The following SLC6A11 variants were observed in gnomAD, a reference collection of about 807,000 sequenced individuals.
SLC6A11 encodes sodium- and chloride-dependent GABA transporter 3.
A neutral mutation model predicts 74.8 loss-of-function variants in SLC6A11; 25 were observed. That is an observed-to-expected ratio of 0.33 (90% CI 0.24 to 0.47). The LOEUF (loss-of-function observed/expected upper bound fraction) is 0.47. SLC6A11 is among the 20% of genes least tolerant of loss of function. The pLI, the probability that SLC6A11 is intolerant of heterozygous loss-of-function variation, is 1.00. For missense variants in SLC6A11, 574 were observed against 837.0 expected, an observed-to-expected ratio of 0.69 and a Z score of 3.88; for synonymous variants, 330 against 330.2, an observed-to-expected ratio of 1.00 and a Z score of 0.01.
At chr3:10,895,420 A>G (rs960378999) in intron 6 of SLC6A11, among the ~76,000 whole-genome samples, 2 of 152,116 alleles carry the variant, frequency 1.3e-5, no homozygotes, top group Non-Finnish European at 2.9e-5. Flanking sequence ...ATGCAACCAT[A>G]AGAAGGACTG....
chr3:10,920,266 A>G (rs1193891344), intron 8 of SLC6A11, among the ~76,000 whole-genome samples: 1 of 152,264 alleles, frequency 6.6e-6, no homozygotes, highest in Non-Finnish European at 1.5e-5. Flanking sequence ...ATTCAAATTG[A>G]AAGAATACTC....
intron 1 of SLC6A11, among the ~76,000 whole-genome samples, chr3:10,818,512 A>G (rs935621327): frequency 6.6e-6 from 1 of 152,244 alleles, no homozygotes; most frequent in Admixed American, 6.5e-5. Flanking sequence ...CTGCTTGCCC[A>G]GAAAAGCTAA....
At chr3:10,850,007 T>C (rs1344138159) in intron 5 of SLC6A11, among the ~76,000 whole-genome samples, 2 of 152,094 alleles carry the variant, frequency 1.3e-5, no homozygotes, top group Admixed American at 1.3e-4. Context: ...TGGATGTTTT[T>C]GTGCTTCTAC....
chr3:10,846,457 G>T (rs1226029206), intron 5 of SLC6A11, among the ~76,000 whole-genome samples: 2 of 152,204 alleles, frequency 1.3e-5, no homozygotes, highest in Non-Finnish European at 2.9e-5. Flanking sequence ...TTTGTGTATG[G>T]ACATGCTTAG....
At chr3:10,838,497 T>C (rs537975774) in intron 4 of SLC6A11, among the ~76,000 whole-genome samples, 1 of 152,314 alleles carries the variant, frequency 6.6e-6, no homozygotes, top group Non-Finnish European at 1.5e-5. Context: ...ACTTGTAATC[T>C]CAGCACTTTG....
chr3:10,885,234 G>A (rs1201893862), intron 6 of SLC6A11, among the ~76,000 whole-genome samples: 1 of 152,118 alleles, frequency 6.6e-6, no homozygotes, highest in African/African-American at 2.4e-5. Flanking sequence ...ATACTACGTA[G>A]TTGAATTACT....
At chr3:10,840,537 G>A (rs553482301) in intron 4 of SLC6A11, among the ~76,000 whole-genome samples, 21 of 152,308 alleles carry the variant, frequency 1.4e-4, no homozygotes, top group Admixed American at 1.0e-3. Context: ...CACTGATGAC[G>A]CTTTCGTAAG....
At chr3:10,838,844 G>T (rs1484425668) in intron 4 of SLC6A11, among the ~76,000 whole-genome samples, 1 of 152,214 alleles carries the variant, frequency 6.6e-6, no homozygotes, top group Non-Finnish European at 1.5e-5. Flanking sequence ...CAGTGGTGTT[G>T]CCATGAGGAC....
Position 10,934,173 on chromosome 3 carries a change from G to A in SLC6A11, c.1575+7G>A. On this transcript the variant is annotated splice_region_variant and intron_variant, in intron 12 of 13. Coordinates refer to ENST00000254488, the MANE Select transcript of SLC6A11 (RefSeq NM_014229.3). ...GACCCCTGGGATCTGCGCGGTAAGG[G>A]CCCCACCAGGAGCCACCTCCAGCCA... 6.3e-7 allele frequency: 1 copy of A among 1,597,048 alleles called. No individual in the cohort carries two copies. The highest frequency in any genetic ancestry group is 1.1e-5 in the South Asian group (1 of 90,604).
At chr3:10,868,394 C>A (rs775750546) in intron 5 of SLC6A11, among the ~76,000 whole-genome samples, 3 of 152,156 alleles carry the variant, frequency 2.0e-5, no homozygotes, top group Non-Finnish European at 4.4e-5. Context: ...GTGTCCTGGG[C>A]GTAGGGGGAA....
In SLC6A11 at chr3:10,816,628, C is replaced by T; in HGVS notation, c.256+107C>T. ...TCCCGCGCCTGCGTGGAGCGGAACC[C>T]GAGCGGAGAACCTCGACTCCAGGCA... On this transcript the variant is annotated intron_variant, in intron 1 of 13. Coordinates refer to ENST00000254488, the MANE Select transcript of SLC6A11 (RefSeq NM_014229.3). This position sits in a 1 kb window ranked among gnomAD's most constrained non-coding sequence, Gnocchi z 4.2. 2 of 1,219,064 alleles carry T rather than the reference C, an allele frequency of 1.6e-6. No homozygotes were observed. The highest frequency in any genetic ancestry group is 2.2e-6 in the Non-Finnish European group (2 of 911,262). 75.5% of individuals were successfully genotyped at this position (1,219,064 alleles called of 1,614,324 possible). A position where few individuals can be genotyped will look rare whatever the true frequency, so the allele number is the denominator to read the frequency against.
intron 6 of SLC6A11, among the ~76,000 whole-genome samples, chr3:10,908,199 A>G (rs1339130616): frequency 6.6e-6 from 1 of 152,244 alleles, no homozygotes; most frequent in Admixed American, 6.5e-5. Context: ...GTGTACTAAA[A>G]ATTTGAATAT....
At chr3:10,882,173 G>T (rs948670476) in intron 6 of SLC6A11, among the ~76,000 whole-genome samples, 7 of 152,216 alleles carry the variant, frequency 4.6e-5, no homozygotes, top group Admixed American at 4.6e-4. Context: ...AAACCTGAGG[G>T]CTGAGACGGC....
chr3:10,895,814 C>G (rs1339779719), intron 6 of SLC6A11, among the ~76,000 whole-genome samples: 1 of 152,162 alleles, frequency 6.6e-6, no homozygotes, highest in African/African-American at 2.4e-5. Context: ...GGATAAATAG[C>G]TAATGCATGT....
intron 5 of SLC6A11, among the ~76,000 whole-genome samples, chr3:10,862,280 G>A (rs1016072118): frequency 2.6e-5 from 4 of 152,184 alleles, no homozygotes; most frequent in Non-Finnish European, 4.4e-5. Flanking sequence ...TAATACCAGT[G>A]TAAGCTTGGC....
At chr3:10,916,483 G>T (rs957950636) in intron 7 of SLC6A11, among the ~76,000 whole-genome samples, 1 of 152,240 alleles carries the variant, frequency 6.6e-6, no homozygotes, top group African/African-American at 2.4e-5. Context: ...TTGGCTCCAA[G>T]GTCCAAGCCA....
chr3:10,827,035 C>T (rs1694219248), intron 4 of SLC6A11, among the ~76,000 whole-genome samples: 1 of 152,216 alleles, frequency 6.6e-6, no homozygotes. Context: ...TACTCAAATA[C>T]TAGTGGGACA....
Position 10,859,835 on chromosome 3 carries a change from A to G in SLC6A11, c.757-15126A>G, listed in dbSNP as rs77354620. On this transcript the variant is annotated intron_variant, in intron 5 of 13. Transcript: ENST00000254488. ...TTAAGAACATTTACCAGAAGTATAA[A>G]CACTTCCAATTAATCTACTATCCAC... is the stretch of plus-strand genomic sequence containing the variant. Among the ~76,000 whole-genome samples, 1,023 of 152,328 alleles carry G rather than the reference A, an allele frequency of 6.7e-3. 7 individuals are homozygous for G. The highest frequency in any genetic ancestry group is 0.011 in the South Asian group (52 of 4,816).
chr3:10,849,190 A>G (rs1694541944), intron 5 of SLC6A11, among the ~76,000 whole-genome samples: 1 of 152,242 alleles, frequency 6.6e-6, no homozygotes, highest in African/African-American at 2.4e-5. Context: ...TCAATTGTAT[A>G]TTAAGTCCTG....
Sources: allele counts gnomAD v4.1 joint callset (sites outside exome capture counted in the v4.1 genomes callset), GRCh38; gene constraint gnomAD v4.1.1; non-coding constraint Gnocchi (gnomAD v3.1); transcripts MANE v1.5; gene names NCBI Gene and HGNC (gene_info 2026-07-23, HGNC 2026-07-21).